The following ENPP2 variants were observed in gnomAD, a reference collection of about 807,000 sequenced individuals.
ENPP2 encodes the protein ectonucleotide pyrophosphatase/phosphodiesterase 2, also known as autotaxin.
In ENPP2, 51 loss-of-function variants were observed where a neutral mutation model predicts 120.2. That is an observed-to-expected ratio of 0.42 (90% CI 0.34 to 0.54). ENPP2 has a LOEUF of 0.54. ENPP2 is among the 20% of genes least tolerant of loss of function. The pLI is 0.04. For missense variants in ENPP2, 920 were observed against 1,066.5 expected (o/e 0.86, Z 1.91); for synonymous variants, 365 against 366.4 (o/e 1.00, Z 0.04).
At chr8:119,587,956 G>A (rs113764953) in intron 13 of ENPP2, among the ~76,000 whole-genome samples, 7 of 152,240 alleles carry the variant, frequency 4.6e-5, no homozygotes, top group South Asian at 2.1e-4. Flanking sequence ...TCTGTATCAC[G>A]TGCTGCTGCA....
chr8:119,593,972 G>A lies in ENPP2; in HGVS notation c.973-112C>T, dbSNP rs1020506711. On this transcript the variant is annotated intron_variant, in intron 11 of 24. Coordinates refer to ENST00000075322, the MANE Select transcript of ENPP2 (RefSeq NM_001040092.3). ...TGGAAAGAAAACTTCCGGCCCAGAG[G>A]CAGAGCTTTGTCTGGGGAGATTTGC... 7 of 715,516 alleles carry A rather than the reference G, an allele frequency of 9.8e-6. No individual in the cohort carries two copies. The African/African-American group carries it at 1.1e-4, about 11-fold the overall frequency. 44.3% of individuals were successfully genotyped at this position (715,516 alleles called of 1,614,324 possible).
chr8:119,633,986 C>T (rs770641168), intron 2 of ENPP2, among the ~76,000 whole-genome samples: 2 of 151,996 alleles, frequency 1.3e-5, no homozygotes, highest in African/African-American at 2.4e-5. Context: ...AGTTCGAGAG[C>T]AGCCTGGCTA....
At chr8:119,662,832 C>T (rs1048153276) in intron 1 of ENPP2, among the ~76,000 whole-genome samples, 1 of 152,132 alleles carries the variant, frequency 6.6e-6, no homozygotes, top group African/African-American at 2.4e-5. Context: ...GTAGTATAGG[C>T]CAGGCGCAGT....
intron 8 of ENPP2, among the ~76,000 whole-genome samples, chr8:119,610,658 T>G (rs1452750525): frequency 6.6e-6 from 1 of 151,432 alleles, no homozygotes; most frequent in Non-Finnish European, 1.5e-5. Flanking sequence ...ATCCCAGCAC[T>G]TTGGGAGGCC....
At position 119,587,024 on chromosome 8, in the gene ENPP2, G is replaced by A. The variant is rs781095913; in HGVS notation, c.1239+20C>T. On this transcript the variant is annotated intron_variant, in intron 14 of 24. Coordinates refer to ENST00000075322, the MANE Select transcript of ENPP2 (RefSeq NM_001040092.3). ...CAGAGGCCTGGGCAGGGCAGAGGCGGGACAACTGGAAACACTTACCGTGAG... is the reference window on the plus strand; with the variant it reads ...CAGAGGCCTGGGCAGGGCAGAGGCGAGACAACTGGAAACACTTACCGTGAG... The A allele has an allele frequency of 6.2e-7, 1 of 1,606,982 alleles. No individual in the cohort carries two copies. The highest frequency in any genetic ancestry group is 2.2e-5 in the East Asian group (1 of 44,762).
At chr8:119,578,932 A>G (rs968089307) in intron 19 of ENPP2, among the ~76,000 whole-genome samples, 2 of 152,232 alleles carry the variant, frequency 1.3e-5, no homozygotes, top group Non-Finnish European at 2.9e-5. Context: ...CTACTTAATC[A>G]GATTGGAAAG....
At chr8:119,654,493 T>C (rs1395427692) in intron 1 of ENPP2, among the ~76,000 whole-genome samples, 1 of 146,866 alleles carries the variant, frequency 6.8e-6, no homozygotes, top group African/African-American at 2.5e-5. Flanking sequence ...ATATAATATG[T>C]TATATATTTA....
At chr8:119,602,096 G>C (rs1435264218) in intron 9 of ENPP2, among the ~76,000 whole-genome samples, 1 of 152,156 alleles carries the variant, frequency 6.6e-6, no homozygotes. Context: ...GAAACTTTAA[G>C]TTCCTCCTCT....
At chr8:119,611,628 G>A (rs1293664410) in intron 8 of ENPP2, among the ~76,000 whole-genome samples, 1 of 152,174 alleles carries the variant, frequency 6.6e-6, no homozygotes, top group Non-Finnish European at 1.5e-5. Context: ...AAACACAATA[G>A]CGGAGCCAGG....
chr8:119,575,017 G>A (rs550596433), intron 19 of ENPP2, among the ~76,000 whole-genome samples: 3 of 152,282 alleles, frequency 2.0e-5, no homozygotes, highest in Non-Finnish European at 2.9e-5. Flanking sequence ...ACTCACCACT[G>A]TATCTTCCAT....
intron 8 of ENPP2, among the ~76,000 whole-genome samples, chr8:119,614,644 A>C (rs1237876629): frequency 2.6e-5 from 4 of 152,142 alleles, no homozygotes; most frequent in Non-Finnish European, 5.9e-5. Context: ...TTATGTCAAC[A>C]CTTGGTGTAA....
rs1011815520 is a variant in ENPP2 at position 119,571,750 on chromosome 8, TA to T, written c.1781-910del. On this transcript the variant is annotated intron_variant, in intron 19 of 24. Coordinates refer to ENST00000075322, the MANE Select transcript of ENPP2 (RefSeq NM_001040092.3). Reference sequence around the variant, plus strand: ...TTCACAATTCCTTAAGTGATAAATTTAAAAAAAAATAAATTCTTGTACTATT... The same window carrying T: ...TTCACAATTCCTTAAGTGATAAATTTAAAAAAAATAAATTCTTGTACTATT... 6 of 152,522 alleles carry T rather than the reference TA, an allele frequency of 3.9e-5. No individual in the cohort carries two copies. In the East Asian group the frequency reaches 9.6e-4, roughly 24 times the overall value. The allele number at this position is 152,522 out of a possible 1,614,324, so 9.4% of individuals were successfully genotyped here. A position where few individuals can be genotyped will look rare whatever the true frequency, so the allele number is the denominator to read the frequency against.
In ENPP2 at chr8:119,599,737, G is replaced by A. The variant is rs1454214906; in HGVS notation, c.972+941C>T. 3.9e-5 allele frequency among the ~76,000 whole-genome samples: 6 copies of A among 152,168 alleles called. No individual in the cohort carries two copies. In the East Asian group the frequency reaches 1.2e-3, roughly 29 times the overall value. ...TATGTCACCCTCAGCTGGGTGTGGTGGCTCACGCCTGCAATCCCAGCACTT... is the reference window on the plus strand; with the variant it reads ...TATGTCACCCTCAGCTGGGTGTGGTAGCTCACGCCTGCAATCCCAGCACTT... On this transcript the variant is annotated intron_variant, in intron 11 of 24. Coordinates refer to ENST00000075322, the MANE Select transcript of ENPP2 (RefSeq NM_001040092.3).
intron 20 of ENPP2, among the ~76,000 whole-genome samples, chr8:119,570,297 T>G (rs1244564881): frequency 2.8e-5 from 3 of 105,988 alleles, no homozygotes; most frequent in Non-Finnish European, 3.7e-5. Context: ...AAAAAACAGA[T>G]GCTGATAGTG....
At chr8:119,619,170 C>T in intron 5 of ENPP2, 74 bp downstream of exon 5, 3 of 1,093,926 alleles carry the variant, frequency 2.7e-6, no homozygotes, top group Non-Finnish European at 2.8e-6. Flanking sequence ...TTTCTAAATA[C>T]TTCTCTTTTC....
intron 19 of ENPP2, among the ~76,000 whole-genome samples, chr8:119,574,402 C>G (rs776952352): frequency 2.5e-4 from 38 of 151,412 alleles, no homozygotes; most frequent in Non-Finnish European, 5.2e-4. Context: ...CTAGTATAAC[C>G]TGGTCTTCCC....
intron 22 of ENPP2, among the ~76,000 whole-genome samples, chr8:119,565,981 G>C (rs902566481): frequency 6.6e-6 from 1 of 152,052 alleles, no homozygotes; most frequent in African/African-American, 2.4e-5. Context: ...GCCTACCTCT[G>C]TGACTTTACT....
intron 8 of ENPP2, among the ~76,000 whole-genome samples, chr8:119,613,196 A>G (rs1357921328): frequency 2.0e-5 from 3 of 152,220 alleles, no homozygotes; most frequent in Non-Finnish European, 4.4e-5. Flanking sequence ...ACGTATGAGA[A>G]ATGCAGGGTC....
Position 119,582,750 on chromosome 8 carries a change from C to T in ENPP2, c.1544-148G>A, listed in dbSNP as rs529034867. 4.7e-6 allele frequency: 3 copies of T among 631,892 alleles called. No homozygotes were observed. In the South Asian group the frequency reaches 5.9e-5, roughly 12 times the overall value. The allele number at this position is 631,892 out of a possible 1,614,324, so 39.1% of individuals were successfully genotyped here. On this transcript the variant is annotated intron_variant, in intron 17 of 24. Coordinates refer to ENST00000075322, the MANE Select transcript of ENPP2 (RefSeq NM_001040092.3). ...AAACCAAATGTAGATGGCAGGCACC[C>T]CCTCCTTACCTCCTGAACCATTCTG...
Sources: gnomAD v4.1 joint callset for allele counts (sites outside exome capture counted in the v4.1 genomes callset) on GRCh38, gnomAD v4.1.1 for gene constraint, MANE v1.5 for transcripts, NCBI Gene and HGNC (gene_info 2026-07-23, HGNC 2026-07-21) for gene names.